FBXO3: variants seen among roughly 807,000 people sequenced by gnomAD.
FBXO3 encodes F-box protein 3, also known as F-box only protein 3.
A neutral mutation model predicts 64.8 loss-of-function variants in FBXO3; 17 were observed. That is an observed-to-expected ratio of 0.26 (90% confidence interval 0.18 to 0.39). The LOEUF is 0.39. Among genes scored for constraint, FBXO3 ranks in the 10% least tolerant of loss-of-function variants. FBXO3 has a pLI of 1.00. For synonymous variants in FBXO3, 182 were observed against 201.6 expected, an observed-to-expected ratio of 0.90 and a Z score of 0.82; for missense variants, 420 against 589.9, an observed-to-expected ratio of 0.71 and a Z score of 2.98.
chr11:33,746,983 A>C (rs1359359032), intron 10 of FBXO3, 147 bp downstream of exon 10: 1 of 1,482,832 alleles, frequency 6.7e-7, no homozygotes, highest in East Asian at 2.5e-5. Context: ...ATTTCTCTCA[A>C]CAAATTCACA....
chr11:33,772,974 C>T (rs1438235363), intron 1 of FBXO3: 12 of 147,558 alleles, frequency 8.1e-5, no homozygotes, highest in Admixed American at 8.1e-4. Context: ...CAGGCAAGGT[C>T]GAGAGCTTGA....
chr11:33,750,717 G>A (rs978574170), intron 7 of FBXO3, 56 bp from the exon 8 acceptor site: 24 of 1,511,200 alleles, frequency 1.6e-5, no homozygotes, highest in Non-Finnish European at 1.7e-5. Flanking sequence ...TAAAAGATAC[G>A]ATGCAAAATA....
rs752537290 is a variant in FBXO3, at chr11:33,751,504, A to G, written c.809+19T>C. ...TGATTTACAATCATTTCAATCCAAA[A>G]AGACCCAAAATAAAATACCTGAAAA... On this transcript the variant is annotated intron_variant, in intron 7 of 10. Transcript: ENST00000265651. 1 of 1,516,126 alleles carries G rather than the reference A, an allele frequency of 6.6e-7. No individual in the cohort carries two copies. The allele number at this position is 1,516,126 out of a possible 1,614,324, so 93.9% of individuals were successfully genotyped here. A position where few individuals can be genotyped will look rare whatever the true frequency, so the allele number is the denominator to read the frequency against.
chr11:33,770,734 T>TACTC lies in FBXO3; in HGVS notation c.194+3_194+6dup. On this transcript the variant is annotated splice_region_variant and intron_variant, in intron 2 of 10. Coordinates refer to ENST00000265651, the MANE Select transcript of FBXO3 (RefSeq NM_012175.4). ...TTTTCAGAAGTACATATTCCTCGAA[T>TACTC]ACTCACTCAGATATCAGCCAGTATT... 1.2e-6 allele frequency: 2 copies of TACTC among 1,607,034 alleles called. No homozygotes were observed. The highest frequency in any genetic ancestry group is 1.7e-6 in the Non-Finnish European group (2 of 1,174,776).
chr11:33,762,728 G>GGA (rs1487000219), intron 3 of FBXO3, among the ~76,000 whole-genome samples: 6 of 141,548 alleles, frequency 4.2e-5, no homozygotes, highest in Non-Finnish European at 1.5e-5. Context: ...CCCAAGTCAG[G>GGA]AAAAAAAAAA....
chr11:33,767,585 C>A (rs1855408245), intron 3 of FBXO3: 1 of 152,296 alleles, frequency 6.6e-6, no homozygotes, highest in Non-Finnish European at 1.5e-5. Context: ...AGGCGTGAGC[C>A]ACCGCGCCTG....
At chr11:33,759,388 G>A (rs932009524) in intron 3 of FBXO3, among the ~76,000 whole-genome samples, 4 of 152,170 alleles carry the variant, frequency 2.6e-5, no homozygotes, top group East Asian at 1.9e-4. Flanking sequence ...CAGTACCACA[G>A]GGCTAGAGGG....
intron 1 of FBXO3, 188 bp from the exon 2 acceptor site, chr11:33,771,018 G>C (rs1590590175): frequency 2.2e-6 from 1 of 464,866 alleles, no homozygotes; most frequent in East Asian, 3.4e-5. Context: ...TGCCTTGTTA[G>C]TAGTGAAACT....
At chr11:33,764,975 A>G (rs1386838735) in intron 3 of FBXO3, among the ~76,000 whole-genome samples, 4 of 152,164 alleles carry the variant, frequency 2.6e-5, no homozygotes, top group Admixed American at 6.5e-5. Flanking sequence ...ACAAAAGCAA[A>G]AACAAACAAA....
chr11:33,754,649 G>C lies in FBXO3; in HGVS notation c.679-149C>G, dbSNP rs541323359. 9.9e-6 allele frequency: 6 copies of C among 608,114 alleles called. No individual in the cohort carries two copies. In the South Asian group the frequency reaches 2.0e-4, roughly 20 times the overall value. The allele number at this position is 608,114 out of a possible 1,614,324, so 37.7% of individuals were successfully genotyped here. On this transcript the variant is annotated intron_variant, in intron 5 of 10. Transcript: ENST00000265651. The stretch of plus-strand genomic sequence containing the variant: ...ATATGGCTTGTTATCCTAGAAGAAA[G>C]GGTTCTGAATCAGAGTCAAGAGATC...
intron 3 of FBXO3, among the ~76,000 whole-genome samples, chr11:33,766,982 A>T (rs1855386589): frequency 7.0e-6 from 1 of 143,114 alleles, no homozygotes; most frequent in African/African-American, 2.7e-5. Flanking sequence ...ACCAAAATTC[A>T]TGCACCAAAA....
chr11:33,746,759 C>A, intron 10 of FBXO3: 3 of 1,418,826 alleles, frequency 2.1e-6, no homozygotes, highest in East Asian at 2.5e-5. Flanking sequence ...TTATAATGAT[C>A]TTTATGGAAT....
chr11:33,774,068 C>G (rs933823094), intron 1 of FBXO3: 3 of 295,678 alleles, frequency 1.0e-5, no homozygotes, highest in Non-Finnish European at 1.9e-5. Flanking sequence ...ACCTGCGGGG[C>G]CAGCGGGGGT....
chr11:33,749,051 C>T (rs1854887748), intron 8 of FBXO3, among the ~76,000 whole-genome samples, 159 bp from the exon 9 acceptor site: 1 of 152,182 alleles, frequency 6.6e-6, no homozygotes, highest in South Asian at 2.1e-4. Context: ...TCTAAGTTCT[C>T]AAAGATACTG....
intron 3 of FBXO3, among the ~76,000 whole-genome samples, chr11:33,768,033 CA>C (rs1855419353): frequency 6.6e-6 from 1 of 152,034 alleles, no homozygotes; most frequent in South Asian, 2.1e-4. Flanking sequence ...ACACAAAATG[CA>C]AAAGGAATAC....
chr11:33,750,952 G>C (rs575899177), intron 7 of FBXO3, among the ~76,000 whole-genome samples: 1 of 152,226 alleles, frequency 6.6e-6, no homozygotes, highest in South Asian at 2.1e-4. Context: ...AGTTTCCAGG[G>C]CTAAGGAAAC....
intron 10 of FBXO3, chr11:33,744,803 T>G (rs1854774562): frequency 6.6e-6 from 1 of 152,220 alleles, no homozygotes; most frequent in South Asian, 2.1e-4. Flanking sequence ...AAGGAACTAA[T>G]AAGTAAATAT....
chr11:33,758,347 T>G (rs1419477141), intron 4 of FBXO3, 140 bp downstream of exon 4: 1 of 508,892 alleles, frequency 2.0e-6, no homozygotes, highest in East Asian at 3.3e-5. Flanking sequence ...GATTTTGTCT[T>G]ATGGATTGCT....
chr11:33,763,294 G>A (rs557292284), intron 3 of FBXO3: 71 of 444,314 alleles, frequency 1.6e-4, no homozygotes, highest in Non-Finnish European at 2.9e-4. Context: ...CACCTGACAA[G>A]AACATTGCAA....
Sources: gnomAD v4.1 joint callset for allele counts (sites outside exome capture counted in the v4.1 genomes callset) on GRCh38, gnomAD v4.1.1 for gene constraint, MANE v1.5 for transcripts, NCBI Gene and HGNC (gene_info 2026-07-23, HGNC 2026-07-21) for gene names.